The following USP47 variants were observed in gnomAD, a reference collection of about 807,000 sequenced individuals.
USP47 encodes the protein ubiquitin carboxyl-terminal hydrolase 47.
USP47 carries 35 observed loss-of-function variants against 165.1 expected under a neutral mutation model. The observed-to-expected ratio is 0.21, with a 90% CI of 0.16 to 0.28. USP47 has a LOEUF of 0.28. USP47 is among the 10% of genes least tolerant of loss of function. The probability of loss-of-function intolerance (pLI) is 1.00; values close to 1 mark genes in which losing one functional copy is unlikely to be tolerated. For synonymous variants in USP47, 531 were observed against 544.5 expected, an observed-to-expected ratio of 0.98 and a Z score of 0.35; for missense variants, 1,277 against 1,607.4, an observed-to-expected ratio of 0.79 and a Z score of 3.52.
chr11:11,910,501 T>A (rs1287981282), intron 8 of USP47, among the ~76,000 whole-genome samples: 1 of 152,010 alleles, frequency 6.6e-6, no homozygotes, highest in African/African-American at 2.4e-5. Flanking sequence ...CAGTGCTGAG[T>A]GGGGAGCCTA....
chr11:11,902,526 A>G (rs906136111), intron 5 of USP47, among the ~76,000 whole-genome samples, 189 bp from the exon 6 acceptor site: 1 of 152,168 alleles, frequency 6.6e-6, no homozygotes, highest in African/African-American at 2.4e-5. Flanking sequence ...GTTAAAGTCT[A>G]AAGTTCTTCT....
chr11:11,949,321 C>A (rs570010418), intron 22 of USP47, among the ~76,000 whole-genome samples: 2 of 152,130 alleles, frequency 1.3e-5, no homozygotes, highest in Admixed American at 1.3e-4. Context: ...TTATAACATT[C>A]TGTTATAACA....
At position 11,955,146 on chromosome 11, in the gene USP47, G is replaced by A. The variant is rs1856480143; in HGVS notation, c.3875G>A (p.Gly1292Asp). 1.2e-6 allele frequency: 2 copies of A among 1,612,916 alleles called. No homozygotes were observed. Among genetic ancestry groups the A allele is most frequent in the South Asian group, 2.2e-5 (2 of 90,832 alleles). The change falls in exon 27 of 28, where the codon GGT (glycine) becomes GAT (aspartate). Residue 1292 changes from glycine to aspartate, a missense_variant. Gly to Asp is a moderately conservative substitution (Grantham distance 94). Coordinates refer to ENST00000527733, the MANE Select transcript of USP47 (RefSeq NM_001282659.2). ...TGGCCTCTTTATATCTGTGATGATG[G>A]TGCGGTCATATTTTATAGGTAACAT... The part of the protein sequence containing the change: ...NVWPLYICDD[G>D]AVIFYRDKTE...
At chr11:11,892,792 G>A (rs138640714) in intron 4 of USP47, among the ~76,000 whole-genome samples, 222 of 144,562 alleles carry the variant, frequency 1.5e-3, no homozygotes, top group Non-Finnish European at 2.6e-3. Context: ...CTCAGCTTGG[G>A]TGATTGATTG....
Position 11,936,287 on chromosome 11 carries a change from G to A in USP47, c.1870-16G>A. ...GTATATATATTTTTTCTTTCTGGGGGATTACTTTCTTTTAGATGATGGATT... is the reference window on the plus strand; with the variant it reads ...GTATATATATTTTTTCTTTCTGGGGAATTACTTTCTTTTAGATGATGGATT... On this transcript the variant is annotated splice_polypyrimidine_tract_variant and intron_variant, in intron 16 of 27. Transcript: ENST00000527733. 1 of 1,450,280 alleles carries A rather than the reference G, an allele frequency of 6.9e-7. No individual in the cohort carries two copies. The highest frequency in any genetic ancestry group is 9.2e-7 in the Non-Finnish European group (1 of 1,091,798). 89.8% of individuals were successfully genotyped at this position (1,450,280 alleles called of 1,614,324 possible).
intron 1 of USP47, among the ~76,000 whole-genome samples, chr11:11,868,059 T>A (rs1210935395): frequency 6.6e-6 from 1 of 152,188 alleles, no homozygotes; most frequent in Non-Finnish European, 1.5e-5. Context: ...GAATAGACAA[T>A]GTTTTATTAA....
intron 1 of USP47, among the ~76,000 whole-genome samples, chr11:11,860,158 TA>T (rs147670273): frequency 0.062 from 9,443 of 151,240 alleles, 941 homozygotes; most frequent in African/African-American, 0.22. Flanking sequence ...TTTATTTATT[TA>T]TTTTTTTGAG....
intron 1 of USP47, among the ~76,000 whole-genome samples, chr11:11,845,545 T>C (rs1028271300): frequency 6.6e-6 from 1 of 152,168 alleles, no homozygotes; most frequent in African/African-American, 2.4e-5. Context: ...TATTATTTGT[T>C]GTGAATTCCT....
intron 1 of USP47, chr11:11,873,969 C>T: frequency 1.8e-6 from 1 of 557,414 alleles, no homozygotes; most frequent in Admixed American, 4.2e-5. Context: ...GCTTGTTTGG[C>T]TATTTTATTT....
chr11:11,937,642 C>T (rs542334730), intron 17 of USP47, among the ~76,000 whole-genome samples: 1 of 150,104 alleles, frequency 6.7e-6, no homozygotes, highest in South Asian at 2.1e-4. Context: ...AGTAATACCA[C>T]TTATTTGAAA....
At position 11,933,811 on chromosome 11, in the gene USP47, T is replaced by G; in HGVS notation, c.1765-20T>G. On this transcript the variant is annotated intron_variant, in intron 15 of 27. Coordinates refer to ENST00000527733, the MANE Select transcript of USP47 (RefSeq NM_001282659.2). ...AACTTTGGAACTGCAGAGTTGATGA[T>G]GATATTTTACATTTTCTAGATAAAA... The G allele has an allele frequency of 6.5e-7, 1 of 1,539,900 alleles. No homozygotes were observed. Among genetic ancestry groups the G allele is most frequent in the East Asian group, 2.3e-5 (1 of 44,212 alleles).
chr11:11,932,157 A>G (rs529808355), intron 14 of USP47, among the ~76,000 whole-genome samples: 1 of 152,270 alleles, frequency 6.6e-6, no homozygotes, highest in East Asian at 1.9e-4. Flanking sequence ...TTCACATGGC[A>G]AAAGCAGGAG....
intron 20 of USP47, among the ~76,000 whole-genome samples, chr11:11,944,429 A>C (rs1855689663): frequency 6.6e-6 from 1 of 152,236 alleles, no homozygotes; most frequent in Non-Finnish European, 1.5e-5. Flanking sequence ...TATCTTGCAG[A>C]AACTCAAGTA....
At chr11:11,842,839 CTTTTT>C (rs56251946) in intron 1 of USP47, among the ~76,000 whole-genome samples, 2 of 111,312 alleles carry the variant, frequency 1.8e-5, no homozygotes, top group East Asian at 2.8e-4. Context: ...GAGCTGAACT[CTTTTT>C]TTTTTTTTTT....
At chr11:11,944,570 G>A (rs1389639152) in intron 20 of USP47, among the ~76,000 whole-genome samples, 1 of 152,114 alleles carries the variant, frequency 6.6e-6, no homozygotes, top group Non-Finnish European at 1.5e-5. Flanking sequence ...ACAGCTGTGT[G>A]AAATTGATAT....
intron 20 of USP47, among the ~76,000 whole-genome samples, chr11:11,944,220 A>AT (rs768585951): frequency 4.6e-5 from 7 of 150,688 alleles, no homozygotes; most frequent in African/African-American, 1.2e-4. Context: ...GACAACTGAG[A>AT]TGCAGCCTTA....
At chr11:11,947,647 G>A (rs1855930735) in intron 20 of USP47, among the ~76,000 whole-genome samples, 1 of 150,448 alleles carries the variant, frequency 6.6e-6, no homozygotes, top group Non-Finnish European at 1.5e-5. Context: ...ACTGTGTAGA[G>A]CTAGAAGTGT....
chr11:11,921,769 A>G (rs552550463), intron 10 of USP47, among the ~76,000 whole-genome samples: 15 of 151,898 alleles, frequency 9.9e-5, no homozygotes, highest in African/African-American at 1.4e-4. Flanking sequence ...GAAACTTCCT[A>G]GAGAATTCTA....
Position 11,940,425 on chromosome 11 carries a change from A to G in USP47, c.2194-4A>G, listed in dbSNP as rs1287350324. 9.3e-6 allele frequency: 15 copies of G among 1,604,414 alleles called. No individual in the cohort carries two copies. Among genetic ancestry groups the G allele is most frequent in the Non-Finnish European group, 1.3e-5 (15 of 1,175,136 alleles). ...TACTTTTTATTAAATTGCTTTCATT[A>G]TAGGCCATCCATTTACCTGCTGAAA... On this transcript the variant is annotated splice_polypyrimidine_tract_variant and splice_region_variant and intron_variant, in intron 18 of 27. Transcript: ENST00000527733.
Sources: allele counts gnomAD v4.1 joint callset (sites outside exome capture counted in the v4.1 genomes callset), GRCh38; gene constraint gnomAD v4.1.1; transcripts MANE v1.5; gene names NCBI Gene and HGNC (gene_info 2026-07-23, HGNC 2026-07-21).